Variants in SLC4A7 observed in about 807,000 individuals in gnomAD.
The protein encoded by SLC4A7 is sodium bicarbonate cotransporter 3.
SLC4A7 carries 51 observed loss-of-function variants against 137.6 expected under a neutral mutation model. The ratio of observed to expected loss-of-function variants is 0.37; its 90% CI spans 0.30 to 0.47. The LOEUF (loss-of-function observed/expected upper bound fraction) is 0.47. SLC4A7 is among the 20% of genes least tolerant of loss of function. The pLI is 1.00. For synonymous variants in SLC4A7, 542 were observed against 518.6 expected (o/e 1.05, Z -0.61); for missense variants, 1,247 against 1,525.4 (o/e 0.82, Z 3.04).
In SLC4A7 at chr3:27,400,771, G is replaced by A; in HGVS notation, c.2420C>T (p.Thr807Ile). 1 of 1,565,520 alleles carries A rather than the reference G, an allele frequency of 6.4e-7. No individual in the cohort carries two copies. The highest frequency in any genetic ancestry group is 1.3e-5 in the African/African-American group (1 of 74,156). Residue 807 changes from threonine to isoleucine, a missense_variant, in exon 16 of 26, where the codon ACT (threonine) becomes ATT (isoleucine). Coordinates refer to ENST00000454389, the MANE Select transcript of SLC4A7 (RefSeq NM_001321103.2). ...ATTTCAAAATATACTCACAGAAACAGTAAGATTTCTCCAGGAAATATTGTG... is the reference window on the plus strand; with the variant it reads ...ATTTCAAAATATACTCACAGAAACAATAAGATTTCTCCAGGAAATATTGTG... ...TAHNISWRNL[T>I]VSECKKLRGV...
At chr3:27,456,598 T>G (rs556028898) in intron 1 of SLC4A7, 1 of 1,223,220 alleles carries the variant, frequency 8.2e-7, no homozygotes, top group East Asian at 2.3e-5. Context: ...ACTATTAAAC[T>G]CTGATTCAAA....
At chr3:27,422,784 G>T (rs141927720) in intron 8 of SLC4A7, 7,540 of 455,686 alleles carry the variant, frequency 0.017, 95 homozygotes, top group Non-Finnish European at 0.027. Context: ...CACTTACAGC[G>T]GGCCTCTTGA....
chr3:27,395,608 T>C (rs1404684050), intron 18 of SLC4A7, among the ~76,000 whole-genome samples: 1 of 152,138 alleles, frequency 6.6e-6, no homozygotes, highest in Non-Finnish European at 1.5e-5. Context: ...AGCTGTTTCA[T>C]CCATCTGAGC....
chr3:27,379,753 T>C (rs1474410372), intron 24 of SLC4A7, among the ~76,000 whole-genome samples: 2 of 152,166 alleles, frequency 1.3e-5, no homozygotes, highest in East Asian at 1.9e-4. Context: ...ACGGTTATAA[T>C]TGGCACACAT....
At chr3:27,417,644 C>T (rs1282135673) in intron 11 of SLC4A7, among the ~76,000 whole-genome samples, 3 of 152,136 alleles carry the variant, frequency 2.0e-5, no homozygotes, top group Non-Finnish European at 4.4e-5. Context: ...GTCCAGGCTA[C>T]ATAGAAGGCT....
chr3:27,479,495 A>G lies in SLC4A7; in HGVS notation c.60+4572T>C, dbSNP rs531992599. Among the ~76,000 whole-genome samples the G allele has an allele frequency of 2.8e-4, 43 of 152,286 alleles. 1 individual carries two copies. In the South Asian group the frequency reaches 8.7e-3, roughly 31 times the overall value. ...GAAAATGTCTAGTCCATGAAAGGAAAGAGTCACTAATTTAGGCAACCTAGT... is the reference window on the plus strand; with the variant it reads ...GAAAATGTCTAGTCCATGAAAGGAAGGAGTCACTAATTTAGGCAACCTAGT... On this transcript the variant is annotated intron_variant, in intron 1 of 25. Transcript: ENST00000454389.
intron 11 of SLC4A7, among the ~76,000 whole-genome samples, chr3:27,415,765 C>A (rs1224925943): frequency 2.0e-5 from 3 of 152,142 alleles, no homozygotes; most frequent in Admixed American, 2.0e-4. Context: ...TTTTCTTGGT[C>A]GTATCAGAAT....
rs1029729177 is a variant in SLC4A7, at chr3:27,484,344, T to C, written c.-218A>G. 5.6e-5 allele frequency: 19 copies of C among 342,040 alleles called. 1 individual carries two copies. The South Asian group carries it at 9.1e-4, about 16-fold the overall frequency. The allele number at this position is 342,040 out of a possible 1,614,324, so 21.2% of individuals were successfully genotyped here. A position where few individuals can be genotyped will look rare whatever the true frequency, so the allele number is the denominator to read the frequency against. ...GCTGCGACTGCTGGGCTGGCTTTAG[T>C]AGGAGAGCGAGGCCGCGGCGTGGAA... On this transcript the variant is annotated 5_prime_UTR_variant, in exon 1 of 26. Transcript: ENST00000454389.
intron 7 of SLC4A7, among the ~76,000 whole-genome samples, chr3:27,426,796 C>G (rs939007159): frequency 3.4e-4 from 52 of 152,202 alleles, no homozygotes; most frequent in African/African-American, 1.2e-3. Flanking sequence ...GTAGTCTTTC[C>G]CAACCTCAGC....
At chr3:27,458,133 T>C (rs967135441) in intron 1 of SLC4A7, among the ~76,000 whole-genome samples, 26 of 152,322 alleles carry the variant, frequency 1.7e-4, no homozygotes, top group Non-Finnish European at 3.2e-4. Flanking sequence ...ATGCTTATTT[T>C]GTCATTCAGA....
chr3:27,421,324 CA>C (rs1169942656), intron 9 of SLC4A7, among the ~76,000 whole-genome samples: 1 of 151,670 alleles, frequency 6.6e-6, no homozygotes, highest in Non-Finnish European at 1.5e-5. Context: ...GGCAAAACAC[CA>C]TATCTACTAC....
chr3:27,474,253 A>G (rs2059376031), intron 1 of SLC4A7, among the ~76,000 whole-genome samples: 1 of 152,162 alleles, frequency 6.6e-6, no homozygotes. Context: ...GGCCTCCATC[A>G]TCATCTCCAC....
intron 1 of SLC4A7, among the ~76,000 whole-genome samples, chr3:27,459,435 CAAAT>C (rs2058577347): frequency 6.6e-6 from 1 of 152,100 alleles, no homozygotes; most frequent in Non-Finnish European, 1.5e-5. Context: ...AGTAACTCAA[CAAAT>C]AAACTTTAAC....
intron 23 of SLC4A7, 29 bp downstream of exon 23, chr3:27,385,863 G>A: frequency 7.0e-7 from 1 of 1,420,572 alleles, no homozygotes; most frequent in Non-Finnish European, 9.8e-7. Flanking sequence ...TAAGGAAGTG[G>A]TGTAAGTTTA....
At chr3:27,482,543 G>A (rs891409076) in intron 1 of SLC4A7, among the ~76,000 whole-genome samples, 5 of 152,152 alleles carry the variant, frequency 3.3e-5, no homozygotes, top group African/African-American at 1.2e-4. Context: ...GGCCGAGGCG[G>A]GTGGATTGCC....
At chr3:27,429,063 C>T (rs1172278111) in intron 7 of SLC4A7, among the ~76,000 whole-genome samples, 1 of 151,714 alleles carries the variant, frequency 6.6e-6, no homozygotes, top group African/African-American at 2.4e-5. Flanking sequence ...GTCAAGAGAT[C>T]GAGACCATCC....
Position 27,382,125 on chromosome 3 carries a change from T to C in SLC4A7, c.3590+1028A>G, listed in dbSNP as rs1209381055. Among the ~76,000 whole-genome samples, 7 of 150,422 alleles carry C rather than the reference T, an allele frequency of 4.7e-5. No homozygotes were observed. In the East Asian group the frequency reaches 1.2e-3, roughly 26 times the overall value. ...GTACACAAATGTAAGTTGTTATTAT[T>C]ATCATTATTTTTGAGACTGAGTCTT... On this transcript the variant is annotated intron_variant, in intron 24 of 25. Coordinates refer to ENST00000454389, the MANE Select transcript of SLC4A7 (RefSeq NM_001321103.2).
At chr3:27,452,602 T>C (rs2058148363) in intron 1 of SLC4A7, 104 bp from the exon 2 acceptor site, 1 of 602,214 alleles carries the variant, frequency 1.7e-6, no homozygotes, top group African/African-American at 1.9e-5. Flanking sequence ...GACTGCTTTC[T>C]CTCAAATAAC....
At chr3:27,446,097 T>C (rs1434758811) in intron 3 of SLC4A7, among the ~76,000 whole-genome samples, 1 of 143,488 alleles carries the variant, frequency 7.0e-6, no homozygotes, top group Non-Finnish European at 1.5e-5. Flanking sequence ...ATTAACTTGA[T>C]TGTGATAATC....
Sources: gnomAD v4.1 joint callset for allele counts (sites outside exome capture counted in the v4.1 genomes callset) on GRCh38, gnomAD v4.1.1 for gene constraint, MANE v1.5 for transcripts, NCBI Gene and HGNC (gene_info 2026-07-23, HGNC 2026-07-21) for gene names.